The following IMMP1L variants were observed in gnomAD, a reference collection of about 807,000 sequenced individuals.
IMMP1L encodes the protein inner mitochondrial membrane peptidase subunit 1.
IMMP1L carries 24 observed loss-of-function variants against 21.8 expected under a neutral mutation model. That is an observed-to-expected ratio of 1.10 (90% CI 0.80 to 1.55). IMMP1L has a LOEUF of 1.55. Ranked by LOEUF, IMMP1L falls within the 40% of genes most tolerant of loss-of-function variation. IMMP1L has a pLI of 0.00. For missense variants in IMMP1L, 195 were observed against 200.7 expected (o/e 0.97, Z 0.17); for synonymous variants, 46 against 62.8 (o/e 0.73, Z 1.26).
Position 31,459,023 on chromosome 11 carries a change from A to G in IMMP1L, c.194+1603T>C, listed in dbSNP as rs1053320842. On this transcript the variant is annotated intron_variant, in intron 3 of 5. Coordinates refer to ENST00000532287, the MANE Select transcript of IMMP1L (RefSeq NM_001304274.2). Reference sequence around the variant, plus strand: ...CATGCTACAGTGGGGCTAGGTCTCCAGTTAATTCAAAGGCTATATAAGGAT... The same window carrying G: ...CATGCTACAGTGGGGCTAGGTCTCCGGTTAATTCAAAGGCTATATAAGGAT... 2.6e-5 allele frequency among the ~76,000 whole-genome samples: 4 copies of G among 152,342 alleles called. No homozygotes were observed. The East Asian group carries it at 7.7e-4, about 29-fold the overall frequency.
At chr11:31,496,247 G>C (rs1489108981) in intron 1 of IMMP1L, among the ~76,000 whole-genome samples, 1 of 152,076 alleles carries the variant, frequency 6.6e-6, no homozygotes. Flanking sequence ...AGTCATTAGG[G>C]AAATGCATAT....
intron 4 of IMMP1L, among the ~76,000 whole-genome samples, chr11:31,438,913 G>A (rs912123271): frequency 6.6e-6 from 1 of 152,096 alleles, no homozygotes; most frequent in Non-Finnish European, 1.5e-5. Context: ...AAAGAATTTC[G>A]CAGCAGTATA....
At chr11:31,472,531 T>C (rs1954590947) in intron 1 of IMMP1L, among the ~76,000 whole-genome samples, 1 of 152,196 alleles carries the variant, frequency 6.6e-6, no homozygotes, top group African/African-American at 2.4e-5. Context: ...ATGTGTGCTG[T>C]GAAAAAAATC....
intron 1 of IMMP1L, chr11:31,469,830 G>C (rs1410648646): frequency 1.3e-5 from 2 of 152,054 alleles, no homozygotes; most frequent in Non-Finnish European, 2.9e-5. Context: ...TTTAAAATTG[G>C]TCAGAAATTT....
At chr11:31,469,248 AT>A (rs1954463509) in intron 1 of IMMP1L, among the ~76,000 whole-genome samples, 1 of 152,162 alleles carries the variant, frequency 6.6e-6, no homozygotes, top group Non-Finnish European at 1.5e-5. Flanking sequence ...ATAGAATCAA[AT>A]GACTGAAAGC....
chr11:31,435,579 C>CA (rs1236350273), intron 4 of IMMP1L, among the ~76,000 whole-genome samples: 3 of 152,068 alleles, frequency 2.0e-5, no homozygotes, highest in Non-Finnish European at 4.4e-5. Flanking sequence ...ATATATATGG[C>CA]AAAAAATGAT....
At chr11:31,493,570 AAC>A (rs1395868273) in intron 1 of IMMP1L, among the ~76,000 whole-genome samples, 2 of 152,152 alleles carry the variant, frequency 1.3e-5, no homozygotes, top group Non-Finnish European at 2.9e-5. Context: ...CACATTTCAA[AAC>A]ACAATCATGC....
intron 1 of IMMP1L, among the ~76,000 whole-genome samples, chr11:31,495,633 T>C (rs1313085477): frequency 2.0e-5 from 3 of 152,136 alleles, no homozygotes. Flanking sequence ...TAGTACAAAG[T>C]TATAGTAAGC....
intron 1 of IMMP1L, chr11:31,477,176 G>A (rs1954755844): frequency 6.6e-6 from 1 of 152,008 alleles, no homozygotes; most frequent in Non-Finnish European, 1.5e-5. Context: ...GTCAAAAACA[G>A]GTAAAACATA....
Position 31,463,740 on chromosome 11 carries a change from T to C in IMMP1L, c.-29-435A>G, listed in dbSNP as rs186780445. On this transcript the variant is annotated intron_variant, in intron 1 of 5. Transcript: ENST00000532287. ...GGAATATGGAGATTCAAGTTTCACATTGGTTATTTTACTAACTTGTATAAT... is the reference window on the plus strand; with the variant it reads ...GGAATATGGAGATTCAAGTTTCACACTGGTTATTTTACTAACTTGTATAAT... Among the ~76,000 whole-genome samples the C allele has an allele frequency of 2.3e-3, 357 of 152,282 alleles. 1 individual carries two copies. Among genetic ancestry groups the C allele is most frequent in the South Asian group, 2.9e-3 (14 of 4,832 alleles).
In IMMP1L at chr11:31,460,648, G is replaced by A. The variant is rs749534500; in HGVS notation, c.172C>T (p.Arg58Ter). The change falls in exon 3 of 6, where the codon CGA becomes TGA. Residue 58 changes from arginine (R) to a stop codon, truncating the protein, a stop_gained. Coordinates refer to ENST00000532287, the MANE Select transcript of IMMP1L (RefSeq NM_001304274.2). LOFTEE classifies it high-confidence loss of function. The stretch of plus-strand genomic sequence containing the variant: ...TACCTTTGGATACCATAAAAATGTC[G>A]ACTAAGATTTTCTGCAAAGACAATA... ...SDIVFAENLS[R>*]HFYGIQRGDI... 78 of 1,607,128 alleles carry A rather than the reference G, an allele frequency of 4.9e-5. No individual in the cohort carries two copies. Among genetic ancestry groups the A allele is most frequent in the Non-Finnish European group, 6.1e-5 (72 of 1,174,312 alleles).
chr11:31,457,127 T>C (rs1227175532), intron 3 of IMMP1L, among the ~76,000 whole-genome samples: 1 of 151,930 alleles, frequency 6.6e-6, no homozygotes, highest in African/African-American at 2.4e-5. Flanking sequence ...GTAAGTCCTA[T>C]AACCCATATC....
chr11:31,433,605 T>C (rs201249598), intron 4 of IMMP1L, 35 bp from the exon 5 acceptor site: 7 of 1,324,300 alleles, frequency 5.3e-6, no homozygotes, highest in African/African-American at 4.4e-5. Context: ...CTCTTAAAGA[T>C]AAAACCTAAT....
At chr11:31,444,518 C>G (rs977336132) in intron 4 of IMMP1L, among the ~76,000 whole-genome samples, 1 of 151,774 alleles carries the variant, frequency 6.6e-6, no homozygotes, top group African/African-American at 2.4e-5. Flanking sequence ...ATTATGCCAC[C>G]TAATTTAATG....
Position 31,509,509 on chromosome 11 carries a change from T to C in IMMP1L, c.-30+10A>G, listed in dbSNP as rs560548789. The C allele has an allele frequency of 5.8e-6, 3 of 520,084 alleles. No homozygotes were observed. Among genetic ancestry groups the C allele is most frequent in the African/African-American group, 1.9e-5 (1 of 52,608 alleles). 32.2% of individuals were successfully genotyped at this position (520,084 alleles called of 1,614,324 possible). Reference sequence around the variant, plus strand: ...TCAAAAGGAGAAGAACGTTACGTGATATTACCTACCTCGGGCCCCAAAGAA... The same window carrying C: ...TCAAAAGGAGAAGAACGTTACGTGACATTACCTACCTCGGGCCCCAAAGAA... On this transcript the variant is annotated intron_variant, in intron 1 of 5. Transcript: ENST00000532287.
chr11:31,439,830 C>T (rs998464852), intron 4 of IMMP1L, among the ~76,000 whole-genome samples: 2 of 152,152 alleles, frequency 1.3e-5, no homozygotes, highest in African/African-American at 4.8e-5. Context: ...AGAGTCTCTA[C>T]TGAAAGTTCT....
At chr11:31,497,750 G>C (rs1324319381) in intron 1 of IMMP1L, among the ~76,000 whole-genome samples, 1 of 152,114 alleles carries the variant, frequency 6.6e-6, no homozygotes, top group Non-Finnish European at 1.5e-5. Context: ...GCACCCGGCG[G>C]GGTACAATAT....
At chr11:31,507,513 T>C (rs1955813084) in intron 1 of IMMP1L, among the ~76,000 whole-genome samples, 1 of 152,150 alleles carries the variant, frequency 6.6e-6, no homozygotes, top group Non-Finnish European at 1.5e-5. Context: ...GAATATGTAA[T>C]ACAGAAGCCT....
At chr11:31,475,277 A>G (rs1351999918) in intron 1 of IMMP1L, among the ~76,000 whole-genome samples, 1 of 152,240 alleles carries the variant, frequency 6.6e-6, no homozygotes, top group Non-Finnish European at 1.5e-5. Flanking sequence ...GTAAAATACC[A>G]AAACATCCAC....
Sources: gnomAD v4.1 joint callset for allele counts (sites outside exome capture counted in the v4.1 genomes callset) on GRCh38, gnomAD v4.1.1 for gene constraint, MANE v1.5 for transcripts, NCBI Gene and HGNC (gene_info 2026-07-23, HGNC 2026-07-21) for gene names.